SUPT3H: variants seen among roughly 807,000 people sequenced by gnomAD.
SUPT3H encodes the protein transcription initiation protein SPT3 homolog.
SUPT3H carries 44 observed loss-of-function variants against 44.3 expected under a neutral mutation model. The observed-to-expected ratio is 0.99, with a 90% CI of 0.78 to 1.28. SUPT3H has a LOEUF of 1.28. SUPT3H is among the 50% of genes most tolerant of loss of function. The probability of loss-of-function intolerance (pLI) is 0.00; values close to 1 mark genes in which losing one functional copy is unlikely to be tolerated. For synonymous variants in SUPT3H, 124 were observed against 125.6 expected (o/e 0.99, Z 0.09); for missense variants, 380 against 387.1 (o/e 0.98, Z 0.15).
chr6:44,897,966 G>A (rs1048748262), intron 10 of SUPT3H, among the ~76,000 whole-genome samples: 2 of 152,102 alleles, frequency 1.3e-5, no homozygotes, highest in African/African-American at 4.8e-5. Context: ...TTGAGAAAAT[G>A]CCAAGATCTC....
chr6:45,325,279 C>T (rs1292586975), intron 2 of SUPT3H, among the ~76,000 whole-genome samples: 1 of 151,520 alleles, frequency 6.6e-6, no homozygotes, highest in East Asian at 1.9e-4. Flanking sequence ...TAAAAAAATG[C>T]ATAGAAATGA....
At chr6:45,359,250 T>C (rs1381522934) in intron 2 of SUPT3H, among the ~76,000 whole-genome samples, 1 of 152,194 alleles carries the variant, frequency 6.6e-6, no homozygotes, top group Admixed American at 6.5e-5. Context: ...AACTTAAACA[T>C]TTCCTATTTC....
intron 6 of SUPT3H, among the ~76,000 whole-genome samples, chr6:44,962,921 C>T (rs1776240387): frequency 6.6e-6 from 1 of 151,832 alleles, no homozygotes; most frequent in South Asian, 2.1e-4. Context: ...TCCCTCTCTC[C>T]CTTCCTTCAT....
chr6:44,846,321 G>T (rs1011245788), intron 10 of SUPT3H, among the ~76,000 whole-genome samples: 8 of 152,100 alleles, frequency 5.3e-5, no homozygotes, highest in African/African-American at 1.9e-4. Flanking sequence ...CCAACAGTTC[G>T]ATTTACTAAT....
intron 10 of SUPT3H, among the ~76,000 whole-genome samples, chr6:44,880,989 A>AT (rs1355985036): frequency 6.6e-6 from 1 of 151,846 alleles, no homozygotes; most frequent in African/African-American, 2.4e-5. Context: ...TCTAAAGACC[A>AT]TCATCAACTA....
At chr6:45,345,966 C>A (rs992805063) in intron 2 of SUPT3H, among the ~76,000 whole-genome samples, 1 of 151,598 alleles carries the variant, frequency 6.6e-6, no homozygotes, top group Non-Finnish European at 1.5e-5. Flanking sequence ...CCCGTACTTG[C>A]AATATTCCCT....
chr6:45,208,102 T>C (rs1211287306), intron 2 of SUPT3H, among the ~76,000 whole-genome samples: 1 of 152,184 alleles, frequency 6.6e-6, no homozygotes, highest in Non-Finnish European at 1.5e-5. Flanking sequence ...CTCCAGTGAA[T>C]ACAAGAATAA....
At chr6:45,087,751 C>A (rs1796651241) in intron 3 of SUPT3H, among the ~76,000 whole-genome samples, 1 of 151,808 alleles carries the variant, frequency 6.6e-6, no homozygotes, top group Non-Finnish European at 1.5e-5. Context: ...CCTATTTATC[C>A]ATTTCTCTGT....
chr6:45,070,743 A>AAC (rs1794247581), intron 3 of SUPT3H, among the ~76,000 whole-genome samples: 1 of 150,050 alleles, frequency 6.7e-6, no homozygotes, highest in Non-Finnish European at 1.5e-5. Flanking sequence ...CTCAAACAAA[A>AAC]AAAAAAAAAA....
intron 2 of SUPT3H, among the ~76,000 whole-genome samples, chr6:45,229,832 C>T (rs1767624288): frequency 6.6e-6 from 1 of 152,042 alleles, no homozygotes; most frequent in South Asian, 2.1e-4. Flanking sequence ...TTTTTATGTA[C>T]AGGTATCAAG....
chr6:45,138,315 G>A (rs1320385285), intron 2 of SUPT3H, among the ~76,000 whole-genome samples: 6 of 151,982 alleles, frequency 3.9e-5, no homozygotes, highest in African/African-American at 7.3e-5. Flanking sequence ...TGTTAAACAC[G>A]AACTTCTCAT....
chr6:45,233,812 T>C (rs1768546543), intron 2 of SUPT3H, among the ~76,000 whole-genome samples: 1 of 152,178 alleles, frequency 6.6e-6, no homozygotes, highest in African/African-American at 2.4e-5. Flanking sequence ...CTAACCACTA[T>C]GATAAAGCCA....
intron 6 of SUPT3H, among the ~76,000 whole-genome samples, chr6:44,989,340 A>G (rs911024346): frequency 2.6e-5 from 4 of 152,068 alleles, no homozygotes; most frequent in African/African-American, 9.7e-5. Flanking sequence ...GCTGAGTAAT[A>G]TTTTATTATA....
At chr6:45,179,084 G>A (rs1264858136) in intron 2 of SUPT3H, among the ~76,000 whole-genome samples, 1 of 152,104 alleles carries the variant, frequency 6.6e-6, no homozygotes, top group African/African-American at 2.4e-5. Context: ...ACTACCATCA[G>A]AGAATACTAC....
At chr6:44,963,935 T>C (rs1475454363) in intron 6 of SUPT3H, among the ~76,000 whole-genome samples, 1 of 151,092 alleles carries the variant, frequency 6.6e-6, no homozygotes, top group Non-Finnish European at 1.5e-5. Context: ...GAGGCAGAGG[T>C]TGTAGTGAGC....
intron 2 of SUPT3H, among the ~76,000 whole-genome samples, chr6:45,283,139 T>C (rs976499163): frequency 1.3e-5 from 2 of 152,022 alleles, no homozygotes; most frequent in African/African-American, 2.4e-5. Flanking sequence ...ACATGCCAAA[T>C]TGTAAAGACC....
chr6:45,356,531 G>A (rs1218415991), intron 2 of SUPT3H, among the ~76,000 whole-genome samples: 1 of 151,954 alleles, frequency 6.6e-6, no homozygotes, highest in African/African-American at 2.4e-5. Context: ...CTGAGTAGCT[G>A]GGATTAAAAG....
intron 10 of SUPT3H, among the ~76,000 whole-genome samples, chr6:44,845,255 G>A (rs1771671845): frequency 6.6e-6 from 1 of 152,170 alleles, no homozygotes; most frequent in Non-Finnish European, 1.5e-5. Context: ...ACAGATACGT[G>A]AGGCATAAAA....
intron 2 of SUPT3H, among the ~76,000 whole-genome samples, chr6:45,180,779 A>T (rs1267381119): frequency 4.6e-5 from 7 of 152,114 alleles, no homozygotes; most frequent in Non-Finnish European, 8.8e-5. Flanking sequence ...AAGAAAACCT[A>T]GGCAATACCA....
Sources: allele counts gnomAD v4.1 joint callset (sites outside exome capture counted in the v4.1 genomes callset), GRCh38; gene constraint gnomAD v4.1.1; transcripts MANE v1.5; gene names NCBI Gene and HGNC (gene_info 2026-07-23, HGNC 2026-07-21).